The following MAPKAP1 variants were observed in gnomAD, a reference collection of about 807,000 sequenced individuals.
MAPKAP1 encodes the protein target of rapamycin complex 2 subunit MAPKAP1.
In MAPKAP1, 20 loss-of-function variants were observed where a neutral mutation model predicts 65.7. The observed-to-expected ratio is 0.30, with a 90% CI of 0.21 to 0.44. The LOEUF is 0.44. Among genes scored for constraint, MAPKAP1 ranks in the 20% least tolerant of loss-of-function variants. MAPKAP1 has a pLI of 1.00. For synonymous variants in MAPKAP1, 222 were observed against 244.3 expected (o/e 0.91, Z 0.85); for missense variants, 423 against 648.0 (o/e 0.65, Z 3.77).
At chr9:125,580,861 T>C (rs1012254536) in intron 5 of MAPKAP1, among the ~76,000 whole-genome samples, 3 of 152,224 alleles carry the variant, frequency 2.0e-5, no homozygotes, top group African/African-American at 7.2e-5. Context: ...CCGTTTATAG[T>C]TGGACTGCCT....
rs1852332615 is a variant in MAPKAP1, at chr9:125,437,561, G to C, written c.*1326C>G. ...AATATTTCTTTTGTTTTTGGGTGGG[G>C]GGTAGGAATGGAAGACATTAGAAAA... On this transcript the variant is annotated 3_prime_UTR_variant, in exon 12 of 12. Coordinates refer to ENST00000265960, the MANE Select transcript of MAPKAP1 (RefSeq NM_001006617.3). 6.6e-6 allele frequency: 1 copy of C among 152,536 alleles called. No individual in the cohort carries two copies. Among genetic ancestry groups the C allele is most frequent in the Non-Finnish European group, 1.5e-5 (1 of 68,040 alleles). 9.4% of individuals were successfully genotyped at this position (152,536 alleles called of 1,614,324 possible).
chr9:125,525,707 A>AAACAC (rs1334026295), intron 7 of MAPKAP1, among the ~76,000 whole-genome samples: 2 of 129,446 alleles, frequency 1.5e-5, no homozygotes, highest in Admixed American at 7.3e-5. Flanking sequence ...AAAAACAAAC[A>AAACAC]AAAAAAAAAA....
At position 125,484,324 on chromosome 9, in the gene MAPKAP1, C is replaced by A. The variant is rs1002870263; in HGVS notation, c.1207+119G>T. 11 of 1,083,114 alleles carry A rather than the reference C, an allele frequency of 1.0e-5. No individual in the cohort carries two copies. The East Asian group carries it at 3.0e-4, about 29-fold the overall frequency. The allele number at this position is 1,083,114 out of a possible 1,614,324, so 67.1% of individuals were successfully genotyped here. A position where few individuals can be genotyped will look rare whatever the true frequency, so the allele number is the denominator to read the frequency against. On this transcript the variant is annotated intron_variant, in intron 9 of 11. Transcript: ENST00000265960. ...AAATTCCATTGTTTAAACATTTTCTCAGAAAACAAATTACTTTTAGTCATT... is the reference window on the plus strand; with the variant it reads ...AAATTCCATTGTTTAAACATTTTCTAAGAAAACAAATTACTTTTAGTCATT...
intron 4 of MAPKAP1, among the ~76,000 whole-genome samples, chr9:125,612,021 T>C (rs1203671055): frequency 1.3e-5 from 2 of 152,202 alleles, no homozygotes; most frequent in Admixed American, 6.5e-5. Context: ...TACTTATTGG[T>C]TGAGTAACCC....
intron 5 of MAPKAP1, among the ~76,000 whole-genome samples, chr9:125,582,494 T>C (rs910120094): frequency 6.6e-6 from 1 of 152,126 alleles, no homozygotes; most frequent in Non-Finnish European, 1.5e-5. Flanking sequence ...TTTACAGATA[T>C]TGCCACCACC....
In MAPKAP1 at chr9:125,543,141, A is replaced by C; in HGVS notation, c.876T>G (p.Ile292Met). The change falls in exon 7 of 12, where the codon ATT (isoleucine) becomes ATG (methionine). Residue 292 changes from isoleucine (I) to methionine (M), a missense_variant. Ile to Met is a conservative substitution (Grantham distance 10). Around this residue, in one of 6 missense-constraint regions of MAPKAP1, gnomAD observed 98 missense variants for 200.5 expected, o/e 0.49. Transcript: ENST00000265960. Reference sequence around the variant, plus strand: ...TGGTAACCTTTGTGTTGTCCACCTGAATAAGGGAGAATCCATGAGCAGCAT... The same window carrying C: ...TGGTAACCTTTGTGTTGTCCACCTGCATAAGGGAGAATCCATGAGCAGCAT... ...RINAAHGFSL[I>M]QVDNTKVTMK... 1 of 1,612,746 alleles carries C rather than the reference A, an allele frequency of 6.2e-7. No individual in the cohort carries two copies. The highest frequency in any genetic ancestry group is 8.5e-7 in the Non-Finnish European group (1 of 1,178,640).
intron 4 of MAPKAP1, among the ~76,000 whole-genome samples, chr9:125,591,572 T>C (rs924916694): frequency 1.3e-5 from 2 of 152,220 alleles, no homozygotes; most frequent in Non-Finnish European, 2.9e-5. Flanking sequence ...ACTTATTAAA[T>C]GAATGAAGCA....
rs562920847 is a variant in MAPKAP1, at chr9:125,699,376, T to C, written c.-70+7595A>G. ...GGCACACACCACCACACCAAGCTAATTGTTTTGATTTTTAGTAGAGACAAG... is the reference window on the plus strand; with the variant it reads ...GGCACACACCACCACACCAAGCTAACTGTTTTGATTTTTAGTAGAGACAAG... On this transcript the variant is annotated intron_variant, in intron 1 of 11. Coordinates refer to ENST00000265960, the MANE Select transcript of MAPKAP1 (RefSeq NM_001006617.3). 2.0e-5 allele frequency among the ~76,000 whole-genome samples: 3 copies of C among 151,830 alleles called. No homozygotes were observed. In the South Asian group the frequency reaches 6.2e-4, roughly 32 times the overall value.
intron 4 of MAPKAP1, among the ~76,000 whole-genome samples, chr9:125,625,255 T>TAAAAAAAAAAAAAAAAAAAAA (rs58671780): frequency 9.3e-5 from 6 of 64,666 alleles, no homozygotes; most frequent in African/African-American, 2.4e-4. Flanking sequence ...AATAAATAAA[T>TAAAAAAAAAAAAAAAAAAAAA]AAAAAAAAAA....
At chr9:125,456,605 G>A (rs1589206783) in intron 10 of MAPKAP1, among the ~76,000 whole-genome samples, 1 of 152,330 alleles carries the variant, frequency 6.6e-6, no homozygotes, top group East Asian at 1.9e-4. Flanking sequence ...ATAGAAGACT[G>A]TAACTTATTC....
chr9:125,613,127 T>C (rs12346310), intron 4 of MAPKAP1, among the ~76,000 whole-genome samples: 10,217 of 152,172 alleles, frequency 0.067, 629 homozygotes, highest in Admixed American at 0.15. Context: ...AGACCAGTGG[T>C]AGAAACAGGA....
At chr9:125,681,775 T>C (rs371337057) in intron 1 of MAPKAP1, among the ~76,000 whole-genome samples, 18 of 152,228 alleles carry the variant, frequency 1.2e-4, no homozygotes, top group African/African-American at 4.1e-4. Flanking sequence ...TGCACCTATG[T>C]ATGTTTGTTT....
At chr9:125,678,362 C>T (rs1834717874) in intron 1 of MAPKAP1, among the ~76,000 whole-genome samples, 1 of 152,224 alleles carries the variant, frequency 6.6e-6, no homozygotes, top group East Asian at 1.9e-4. Flanking sequence ...CCTGCCTCAG[C>T]CTCCTGAGTA....
At chr9:125,476,096 G>A (rs552176470) in intron 9 of MAPKAP1, among the ~76,000 whole-genome samples, 72 of 152,294 alleles carry the variant, frequency 4.7e-4, no homozygotes, top group Admixed American at 1.0e-3. Flanking sequence ...GGGTGGCTCT[G>A]GGAGCAGGGA....
chr9:125,454,833 T>C (rs1853107516), intron 10 of MAPKAP1, among the ~76,000 whole-genome samples: 1 of 152,068 alleles, frequency 6.6e-6, no homozygotes, highest in Admixed American at 6.5e-5. Context: ...GAAATTTGTT[T>C]AAAAAAAGAA....
intron 1 of MAPKAP1, among the ~76,000 whole-genome samples, chr9:125,682,139 C>T (rs1444726836): frequency 6.6e-6 from 1 of 152,124 alleles, no homozygotes; most frequent in African/African-American, 2.4e-5. Context: ...GGAAAATGTA[C>T]CATGGTTACT....
chr9:125,553,741 G>A (rs937927340), intron 6 of MAPKAP1, among the ~76,000 whole-genome samples: 5 of 152,264 alleles, frequency 3.3e-5, no homozygotes, highest in Admixed American at 6.5e-5. Flanking sequence ...GCCCTTTGCA[G>A]AAAAAGTTTG....
chr9:125,629,054 AACACACACAC>A (rs71374284), intron 4 of MAPKAP1, among the ~76,000 whole-genome samples: 1,700 of 147,470 alleles, frequency 0.012, 12 homozygotes, highest in Non-Finnish European at 0.018. Context: ...TCACTGTCAA[AACACACACAC>A]ACACACACAC....
At chr9:125,575,891 C>T (rs988205410) in intron 5 of MAPKAP1, among the ~76,000 whole-genome samples, 1 of 152,180 alleles carries the variant, frequency 6.6e-6, no homozygotes, top group East Asian at 1.9e-4. Context: ...AAAATCTGCA[C>T]ATGAATACTT....
Sources: allele counts gnomAD v4.1 joint callset (sites outside exome capture counted in the v4.1 genomes callset), GRCh38; gene constraint gnomAD v4.1.1; regional missense constraint gnomAD v4.1.1; transcripts MANE v1.5; gene names NCBI Gene and HGNC (gene_info 2026-07-23, HGNC 2026-07-21).